Variants in NDRG3 observed in about 807,000 individuals in gnomAD.
NDRG3 encodes the protein protein NDRG3.
NDRG3 carries 23 observed loss-of-function variants against 57.2 expected under a neutral mutation model. The observed-to-expected ratio is 0.40, with a 90% CI of 0.29 to 0.57. The LOEUF (loss-of-function observed/expected upper bound fraction) is 0.57, where lower values mean the gene tolerates loss of function less well. Among genes scored for constraint, NDRG3 ranks in the 20% least tolerant of loss-of-function variants. NDRG3 has a pLI of 0.42. For synonymous variants in NDRG3, 132 were observed against 162.6 expected (o/e 0.81, Z 1.43); for missense variants, 384 against 457.3 (o/e 0.84, Z 1.46).
chr20:36,693,141 T>TACACAC (rs575813448), intron 3 of NDRG3, among the ~76,000 whole-genome samples: 3 of 34,584 alleles, frequency 8.7e-5, no homozygotes, highest in African/African-American at 2.8e-4. Flanking sequence ...TATATATATA[T>TACACAC]ACACACACAC....
At chr20:36,700,711 T>A in intron 3 of NDRG3, 2 of 234,372 alleles carry the variant, frequency 8.5e-6, no homozygotes, top group South Asian at 9.6e-5. Flanking sequence ...TAAGGGAGCA[T>A]CTGATAGGCT....
In NDRG3 at chr20:36,700,439, AT is replaced by A. The variant is rs755651554; in HGVS notation, c.93+6532del. 4 of 532,432 alleles carry A rather than the reference AT, an allele frequency of 7.5e-6. No individual in the cohort carries two copies. The African/African-American group carries it at 7.7e-5, about 10-fold the overall frequency. The allele number at this position is 532,432 out of a possible 1,614,324, so 33.0% of individuals were successfully genotyped here. A position where few individuals can be genotyped will look rare whatever the true frequency, so the allele number is the denominator to read the frequency against. Reference sequence around the variant, plus strand: ...AAAAAGAAAGGAAGCACTCACCTCCATGGTGATTGGCATGCATATTTTTCGT... The same window carrying A: ...AAAAAGAAAGGAAGCACTCACCTCCAGGTGATTGGCATGCATATTTTTCGT... On this transcript the variant is annotated intron_variant, in intron 3 of 15. Transcript: ENST00000349004.
At chr20:36,707,710 A>C (rs1446821705) in intron 2 of NDRG3, among the ~76,000 whole-genome samples, 1 of 152,170 alleles carries the variant, frequency 6.6e-6, no homozygotes. Flanking sequence ...ATAATGACTG[A>C]TTGAGGAAAA....
At chr20:36,666,192 C>G (rs1979617070) in intron 10 of NDRG3, 97 bp downstream of exon 10, 1 of 877,892 alleles carries the variant, frequency 1.1e-6, no homozygotes, top group Non-Finnish European at 1.8e-6. Flanking sequence ...CTCGGAGAAG[C>G]TGGTCCCAAG....
intron 3 of NDRG3, among the ~76,000 whole-genome samples, chr20:36,705,659 T>G (rs1885629955): frequency 6.6e-6 from 1 of 152,166 alleles, no homozygotes; most frequent in African/African-American, 2.4e-5. Flanking sequence ...ATGGCATCTA[T>G]CCCAAAAGTG....
chr20:36,653,538 G>GGTCT lies in NDRG3; in HGVS notation c.1106_1109dup (p.Met371AspfsTer28). 5.6e-6 allele frequency: 9 copies of GGTCT among 1,614,078 alleles called. No individual in the cohort carries two copies. Among genetic ancestry groups the GGTCT allele is most frequent in the Non-Finnish European group, 7.6e-6 (9 of 1,179,952 alleles). ...CATCTGCTTAGCAGGACACCTCCAT[G>GGTCT]GTCTGGTGTCTGTCCAGGACATCAG... On this transcript the variant is annotated frameshift_variant, in exon 16 of 16. Transcript: ENST00000349004. LOFTEE classifies it high-confidence loss of function. This position sits in a 1 kb window ranked among gnomAD's most constrained non-coding sequence, Gnocchi z 4.2.
At chr20:36,743,534 G>A (rs1375868808) in intron 1 of NDRG3, among the ~76,000 whole-genome samples, 1 of 147,896 alleles carries the variant, frequency 6.8e-6, no homozygotes, top group Non-Finnish European at 1.5e-5. Flanking sequence ...AAGCAGCTCG[G>A]CCTGGCTTGG....
intron 9 of NDRG3, among the ~76,000 whole-genome samples, chr20:36,668,064 G>A (rs923228172): frequency 3.9e-5 from 6 of 152,070 alleles, no homozygotes; most frequent in African/African-American, 1.4e-4. Context: ...AACATAGTGA[G>A]ACCCCCATCT....
intron 1 of NDRG3, among the ~76,000 whole-genome samples, chr20:36,734,469 A>G (rs775198266): frequency 6.6e-6 from 1 of 152,236 alleles, no homozygotes. Flanking sequence ...CACAGGCTCT[A>G]GGATTAAGCC....
intron 1 of NDRG3, among the ~76,000 whole-genome samples, chr20:36,736,049 C>T (rs943568179): frequency 6.6e-6 from 1 of 151,340 alleles, no homozygotes; most frequent in East Asian, 1.9e-4. Flanking sequence ...AGACAAGCTG[C>T]AGAAGTAGCC....
intron 1 of NDRG3, among the ~76,000 whole-genome samples, chr20:36,725,755 G>A (rs1984894351): frequency 6.6e-6 from 1 of 151,934 alleles, no homozygotes; most frequent in South Asian, 2.1e-4. Flanking sequence ...TCCTGAAATT[G>A]TTTTTTCAAC....
intron 1 of NDRG3, among the ~76,000 whole-genome samples, chr20:36,726,104 T>C (rs1488685077): frequency 6.6e-6 from 1 of 152,078 alleles, no homozygotes; most frequent in South Asian, 2.1e-4. Context: ...AACATTTTTT[T>C]TAGAGACAGG....
chr20:36,715,885 T>G (rs540656493), intron 2 of NDRG3, among the ~76,000 whole-genome samples: 2 of 151,842 alleles, frequency 1.3e-5, no homozygotes, highest in Non-Finnish European at 2.9e-5. Flanking sequence ...TCCCAGCACT[T>G]TGGGAGGCCG....
chr20:36,708,777 T>C (rs1261757659), intron 2 of NDRG3, among the ~76,000 whole-genome samples: 1 of 152,060 alleles, frequency 6.6e-6, no homozygotes, highest in East Asian at 1.9e-4. Context: ...CTCACGCCTG[T>C]AATCCCAGCA....
intron 1 of NDRG3, among the ~76,000 whole-genome samples, chr20:36,728,132 C>A (rs1848003051): frequency 6.6e-6 from 1 of 151,778 alleles, no homozygotes; most frequent in Non-Finnish European, 1.5e-5. Context: ...CGGCTCACTG[C>A]AAACTCCGCC....
At chr20:36,701,416 G>A (rs1167070155) in intron 3 of NDRG3, among the ~76,000 whole-genome samples, 1 of 151,982 alleles carries the variant, frequency 6.6e-6, no homozygotes, top group African/African-American at 2.4e-5. Context: ...ACGGTGGCAT[G>A]TGCCTGTAGT....
chr20:36,733,145 TCAAAA>T (rs1568672465), intron 1 of NDRG3, among the ~76,000 whole-genome samples: 1 of 12,544 alleles, frequency 8.0e-5, no homozygotes, highest in African/African-American at 3.8e-4. Context: ...CGATCCTGTC[TCAAAA>T]AAAAAAAAAA....
intron 2 of NDRG3, among the ~76,000 whole-genome samples, chr20:36,711,160 T>G (rs1466144964): frequency 6.7e-6 from 1 of 148,532 alleles, no homozygotes; most frequent in East Asian, 2.0e-4. Flanking sequence ...CAGGCGCCTG[T>G]AGTCCCAGCT....
chr20:36,712,277 G>A (rs1362904570), intron 2 of NDRG3, among the ~76,000 whole-genome samples: 1 of 151,544 alleles, frequency 6.6e-6, no homozygotes, highest in Non-Finnish European at 1.5e-5. Context: ...ATTAACTGAG[G>A]CCATATTATT....
Sources: gnomAD v4.1 joint callset for allele counts (sites outside exome capture counted in the v4.1 genomes callset) on GRCh38, gnomAD v4.1.1 for gene constraint, Gnocchi (gnomAD v3.1) non-coding constraint, MANE v1.5 for transcripts, NCBI Gene and HGNC (gene_info 2026-07-23, HGNC 2026-07-21) for gene names.